Variants in SCFD1 observed in about 807,000 individuals in gnomAD.
SCFD1 encodes the protein sec1 family domain-containing protein 1.
Under a neutral mutation model 103.2 loss-of-function variants are expected in SCFD1, and 37 were observed. That is an observed-to-expected ratio of 0.36 (90% CI 0.28 to 0.47). SCFD1 has a LOEUF of 0.47. Ranked by LOEUF, SCFD1 falls within the 20% of genes least tolerant of loss-of-function variation. The pLI is 1.00. For synonymous variants in SCFD1, 264 were observed against 245.0 expected (o/e 1.08, Z -0.73); for missense variants, 639 against 761.2 (o/e 0.84, Z 1.89).
At chr14:30,645,333 TG>T (rs1885709156) in intron 7 of SCFD1, among the ~76,000 whole-genome samples, 1 of 152,318 alleles carries the variant, frequency 6.6e-6, no homozygotes, top group Admixed American at 6.5e-5. Context: ...TTTTTGGTTC[TG>T]TATGACTTTT....
At chr14:30,656,770 A>AGG (rs1181168725) in intron 10 of SCFD1, among the ~76,000 whole-genome samples, 1 of 152,116 alleles carries the variant, frequency 6.6e-6, no homozygotes, top group Non-Finnish European at 1.5e-5. Context: ...CCATTTGAGA[A>AGG]GGCTCCAGGG....
chr14:30,704,167 T>G (rs761968362), intron 17 of SCFD1, among the ~76,000 whole-genome samples: 5 of 151,740 alleles, frequency 3.3e-5, no homozygotes, highest in African/African-American at 4.8e-5. Context: ...CTTTCATTGT[T>G]TATACATATG....
intron 10 of SCFD1, chr14:30,654,069 G>T (rs1886658119): frequency 6.6e-6 from 1 of 152,400 alleles, no homozygotes; most frequent in Non-Finnish European, 1.5e-5. Context: ...GCAAAAATTT[G>T]TATTTATGCA....
intron 10 of SCFD1, among the ~76,000 whole-genome samples, chr14:30,658,542 G>GCTGGGACTA (rs1347595382): frequency 6.6e-6 from 1 of 151,998 alleles, no homozygotes; most frequent in Non-Finnish European, 1.5e-5. Context: ...ACAGGCATGT[G>GCTGGGACTA]CAACCATGCC....
At chr14:30,677,908 C>T (rs551961291) in intron 14 of SCFD1, among the ~76,000 whole-genome samples, 10 of 133,044 alleles carry the variant, frequency 7.5e-5, no homozygotes, top group African/African-American at 2.8e-4. Context: ...GGCACACTCT[C>T]AGCTCACTGC....
At chr14:30,717,549 C>T (rs913585886) in intron 20 of SCFD1, among the ~76,000 whole-genome samples, 1 of 152,018 alleles carries the variant, frequency 6.6e-6, no homozygotes, top group Non-Finnish European at 1.5e-5. Flanking sequence ...AAAATAATGA[C>T]AGTAATAATG....
At chr14:30,678,644 T>G (rs888543843) in intron 14 of SCFD1, among the ~76,000 whole-genome samples, 6 of 152,100 alleles carry the variant, frequency 3.9e-5, no homozygotes, top group African/African-American at 9.7e-5. Flanking sequence ...AAAGTACTCT[T>G]TAGCTCCAGA....
chr14:30,732,815 TATAATTGGTAAAAA>T (rs995726910), intron 23 of SCFD1, among the ~76,000 whole-genome samples: 17 of 152,312 alleles, frequency 1.1e-4, no homozygotes, highest in Admixed American at 5.2e-4. Flanking sequence ...ATAACTTTGG[TATAATTGGTAAAAA>T]ATAATTTGAC....
chr14:30,655,952 C>T (rs1041078081), intron 10 of SCFD1, among the ~76,000 whole-genome samples: 1 of 151,970 alleles, frequency 6.6e-6, no homozygotes, highest in Admixed American at 6.6e-5. Context: ...CATAAGGAAG[C>T]ACCATCTTTA....
intron 2 of SCFD1, among the ~76,000 whole-genome samples, chr14:30,630,084 T>G (rs1356685658): frequency 1.3e-5 from 2 of 151,962 alleles, no homozygotes; most frequent in African/African-American, 2.4e-5. Flanking sequence ...TATGATAGCT[T>G]AAGGATTTTA....
upstream of SCFD1, chr14:30,622,297 C>T (rs767056015): frequency 3.8e-6 from 6 of 1,592,834 alleles, no homozygotes; most frequent in South Asian, 1.1e-5. Flanking sequence ...CGTCATCCCC[C>T]CGCTCCGCTC....
intron 23 of SCFD1, among the ~76,000 whole-genome samples, chr14:30,728,952 C>T (rs2139435124): frequency 6.7e-6 from 1 of 149,906 alleles, no homozygotes; most frequent in South Asian, 2.1e-4. Context: ...TCAAGCGATT[C>T]TCCTGCCTCA....
At chr14:30,656,346 A>C (rs1886900147) in intron 10 of SCFD1, among the ~76,000 whole-genome samples, 1 of 152,196 alleles carries the variant, frequency 6.6e-6, no homozygotes, top group Admixed American at 6.5e-5. Flanking sequence ...GATGCAGGAG[A>C]TAAGAGCGTC....
intron 24 of SCFD1, 147 bp from the exon 25 acceptor site, chr14:30,735,439 T>C: frequency 1.5e-6 from 1 of 649,154 alleles, no homozygotes; most frequent in Non-Finnish European, 2.7e-6. Flanking sequence ...ACATTTGAGT[T>C]AGTGGTGAAC....
intron 14 of SCFD1, among the ~76,000 whole-genome samples, chr14:30,690,671 G>C (rs912508839): frequency 6.9e-6 from 1 of 144,712 alleles, no homozygotes; most frequent in Admixed American, 6.9e-5. Flanking sequence ...GCTTCGGCTC[G>C]CGCACGGTGC....
chr14:30,730,569 A>T (rs1034186431), intron 23 of SCFD1, among the ~76,000 whole-genome samples: 1 of 152,206 alleles, frequency 6.6e-6, no homozygotes, highest in African/African-American at 2.4e-5. Context: ...TGTGAGATGT[A>T]TCTCATTGTG....
At chr14:30,706,006 C>A in intron 18 of SCFD1, 121 bp downstream of exon 18, 1 of 681,126 alleles carries the variant, frequency 1.5e-6, no homozygotes, top group Non-Finnish European at 2.5e-6. Context: ...CCTTTGGTGA[C>A]ATTTAGATGG....
intron 10 of SCFD1, among the ~76,000 whole-genome samples, chr14:30,662,248 T>G (rs1328279646): frequency 6.6e-6 from 1 of 152,212 alleles, no homozygotes; most frequent in Non-Finnish European, 1.5e-5. Context: ...TGCTTCTTTT[T>G]GGAGATGAGA....
At chr14:30,683,220 G>T in intron 14 of SCFD1, 1 of 1,134,960 alleles carries the variant, frequency 8.8e-7, no homozygotes, top group Non-Finnish European at 1.3e-6. Context: ...TGGTCCTGAT[G>T]TCATACAGGG....
Sources: gnomAD v4.1 joint callset for allele counts (sites outside exome capture counted in the v4.1 genomes callset) on GRCh38, gnomAD v4.1.1 for gene constraint, MANE v1.5 for transcripts, NCBI Gene and HGNC (gene_info 2026-07-23, HGNC 2026-07-21) for gene names.